The following ZSWIM4 variants were observed in gnomAD, a reference collection of about 807,000 sequenced individuals.
The protein encoded by ZSWIM4 is zinc finger SWIM domain-containing protein 4.
ZSWIM4 carries 62 observed loss-of-function variants against 102.5 expected under a neutral mutation model. That is an observed-to-expected ratio of 0.60 (90% CI 0.49 to 0.75). The LOEUF is 0.75. Ranked by LOEUF, ZSWIM4 falls within the 30% of genes least tolerant of loss-of-function variation. ZSWIM4 has a pLI of 0.00. For synonymous variants in ZSWIM4, 652 were observed against 674.5 expected (o/e 0.97, Z 0.52); for missense variants, 1,280 against 1,529.6 (o/e 0.84, Z 2.72).
At chr19:13,800,282 TTGAGACGGAGTCTCGC>T (rs1974731591) in intron 2 of ZSWIM4, among the ~76,000 whole-genome samples, 1 of 114,944 alleles carries the variant, frequency 8.7e-6, no homozygotes, top group Non-Finnish European at 1.7e-5. Flanking sequence ...TTTTTTTTTT[TTGAGACGGAGTCTCGC>T]TTTTTCGCCC....
At chr19:13,820,942 GTTTTCA>G (rs1395140815) in intron 10 of ZSWIM4, among the ~76,000 whole-genome samples, 3 of 152,074 alleles carry the variant, frequency 2.0e-5, no homozygotes, top group African/African-American at 7.2e-5. Flanking sequence ...GAATAACCTG[GTTTTCA>G]TTTATCACGT....
chr19:13,828,123 A>G (rs1436186788), intron 12 of ZSWIM4, among the ~76,000 whole-genome samples: 1 of 152,182 alleles, frequency 6.6e-6, no homozygotes, highest in African/African-American at 2.4e-5. Flanking sequence ...TCTCACAACA[A>G]TCAGGCTGGG....
chr19:13,816,109 A>G (rs1315424489), intron 7 of ZSWIM4, among the ~76,000 whole-genome samples: 6 of 151,642 alleles, frequency 4.0e-5, no homozygotes, highest in Non-Finnish European at 8.8e-5. Context: ...CACATTGTGT[A>G]CTAGATATGG....
chr19:13,825,407 A>G lies in ZSWIM4; in HGVS notation c.2216-143A>G, dbSNP rs535482797. The G allele has an allele frequency of 3.6e-5, 37 of 1,015,330 alleles. No homozygotes were observed. Among genetic ancestry groups the G allele is most frequent in the Non-Finnish European group, 4.9e-5 (34 of 695,030 alleles). The allele number at this position is 1,015,330 out of a possible 1,614,324, so 62.9% of individuals were successfully genotyped here. A position where few individuals can be genotyped will look rare whatever the true frequency, so the allele number is the denominator to read the frequency against. On this transcript the variant is annotated intron_variant, in intron 11 of 13. Transcript: ENST00000590508. This position sits in a 1 kb window ranked among gnomAD's most constrained non-coding sequence, Gnocchi z 4.6. ...TAGGGGCACTGAGGTCTGAATCTTC[A>G]CAGAACCATGGCCCAGTACACATCC... is the stretch of plus-strand genomic sequence containing the variant.
At position 13,819,266 on chromosome 19, in the gene ZSWIM4, A is replaced by C. The variant is rs955080004; in HGVS notation, c.1925-91A>C. On this transcript the variant is annotated intron_variant, in intron 9 of 13. Coordinates refer to ENST00000590508, the MANE Select transcript of ZSWIM4 (RefSeq NM_001367834.3). ...AGCCACTCTACCCAGGGGCCAGCCC[A>C]CCCTCTACTTAAAGCCTGGGGTCTA... 12 of 1,545,964 alleles carry C rather than the reference A, an allele frequency of 7.8e-6. No homozygotes were observed. The African/African-American group carries it at 1.5e-4, about 19-fold the overall frequency.
chr19:13,825,845 C>G lies in ZSWIM4; in HGVS notation c.2379+132C>G. On this transcript the variant is annotated intron_variant, in intron 12 of 13. Coordinates refer to ENST00000590508, the MANE Select transcript of ZSWIM4 (RefSeq NM_001367834.3). This position sits in a 1 kb window ranked among gnomAD's most constrained non-coding sequence, Gnocchi z 4.6. The stretch of plus-strand genomic sequence containing the variant: ...GGGCCCGGCATTTGCGTGAGCTATT[C>G]CTCTGTGGCTGGGGACTGAGCGAGA... 1 of 1,247,120 alleles carries G rather than the reference C, an allele frequency of 8.0e-7. No individual in the cohort carries two copies. The highest frequency in any genetic ancestry group is 2.6e-5 in the East Asian group (1 of 39,084). 77.3% of individuals were successfully genotyped at this position (1,247,120 alleles called of 1,614,324 possible).
intron 1 of ZSWIM4, 47 bp downstream of exon 1, chr19:13,795,848 C>T: frequency 4.3e-6 from 5 of 1,159,654 alleles, no homozygotes; most frequent in South Asian, 4.3e-5. Context: ...CCCCCAGCAC[C>T]TTCCCCACCT....
rs566779596 is a variant in ZSWIM4, at chr19:13,828,423, A to C, written c.2380-222A>C. ...ATTCCATCTCAAAAAAAAACAAAAC[A>C]AAACAACAACAAAAAAGAAAAAACA... On this transcript the variant is annotated intron_variant, in intron 12 of 13. Transcript: ENST00000590508. 9.2e-5 allele frequency among the ~76,000 whole-genome samples: 14 copies of C among 152,234 alleles called. No homozygotes were observed. The East Asian group carries it at 2.7e-3, about 29-fold the overall frequency.
chr19:13,818,425 T>C (rs1341273230), intron 9 of ZSWIM4, among the ~76,000 whole-genome samples: 4 of 152,152 alleles, frequency 2.6e-5, no homozygotes, highest in African/African-American at 9.7e-5. Context: ...CCCCCTACGC[T>C]ATCGGACTTG....
Position 13,823,402 on chromosome 19 carries a change from A to C in ZSWIM4, c.2117A>C (p.Asp706Ala), listed in dbSNP as rs776952137. Reference protein sequence around the residue: ...PAGEPHPSPLDSIMSNRFPRW... With the variant: ...PAGEPHPSPLASIMSNRFPRW... ...GGAGAACCTCATCCCAGCCCGCTGG[A>C]CTCCATCATGAGCAACCGCTTCCCC... The change falls in exon 11 of 14, where the codon GAC becomes GCC. Residue 706 changes from aspartate (D) to alanine (A), a missense_variant. Physicochemically the swap from Asp to Ala is moderately radical, Grantham distance 126. Transcript: ENST00000590508. 2.5e-6 allele frequency: 4 copies of C among 1,613,374 alleles called. No homozygotes were observed. The East Asian group carries it at 6.7e-5, about 27-fold the overall frequency.
intron 1 of ZSWIM4, among the ~76,000 whole-genome samples, chr19:13,798,133 CT>C (rs1476166132): frequency 2.0e-5 from 3 of 152,082 alleles, no homozygotes; most frequent in Non-Finnish European, 4.4e-5. Flanking sequence ...CTTTTCTTTT[CT>C]TTTTTCTTTT....
chr19:13,814,771 C>T lies in ZSWIM4; in HGVS notation c.1437C>T (p.Tyr479=). The change falls in exon 7 of 14, where the codon TAC becomes TAT. Residue 479 remains tyrosine (Y), a synonymous_variant. Coordinates refer to ENST00000590508, the MANE Select transcript of ZSWIM4 (RefSeq NM_001367834.3). ...ARVDTLRAHG[Y]PRQALRLASA... Reference sequence around the variant, plus strand: ...TGGACACCCTGCGTGCCCACGGATACCCCCGCCAGGCCCTGCGGCTGGCAA... The same window carrying T: ...TGGACACCCTGCGTGCCCACGGATATCCCCGCCAGGCCCTGCGGCTGGCAA... 2 of 1,286,814 alleles carry T rather than the reference C, an allele frequency of 1.6e-6. No homozygotes were observed. The highest frequency in any genetic ancestry group is 2.0e-6 in the Non-Finnish European group (2 of 986,582). The allele number at this position is 1,286,814 out of a possible 1,614,324, so 79.7% of individuals were successfully genotyped here. A position where few individuals can be genotyped will look rare whatever the true frequency, so the allele number is the denominator to read the frequency against.
chr19:13,818,145 GCCAGCT>G (rs1462675603), intron 9 of ZSWIM4, among the ~76,000 whole-genome samples, 169 bp downstream of exon 9: 5 of 151,780 alleles, frequency 3.3e-5, no homozygotes, highest in Non-Finnish European at 5.9e-5. Flanking sequence ...AAAGGAGAGA[GCCAGCT>G]CTTTTTCCCG....
At chr19:13,808,179 G>T (rs1974969625) in intron 3 of ZSWIM4, among the ~76,000 whole-genome samples, 1 of 152,066 alleles carries the variant, frequency 6.6e-6, no homozygotes, top group African/African-American at 2.4e-5. Context: ...CTCCCTCCAT[G>T]CCCCACTTCC....
Position 13,808,985 on chromosome 19 carries a change from G to T in ZSWIM4, c.861+1G>T. 1.2e-6 allele frequency: 2 copies of T among 1,611,030 alleles called. No individual in the cohort carries two copies. The highest frequency in any genetic ancestry group is 1.7e-6 in the Non-Finnish European group (2 of 1,178,440). ...GCAGCTGCGCTCCATGTTCAGCAAG[G>T]TGCCGTGCGGGCCGGCGGGGCGCGG... is the stretch of plus-strand genomic sequence containing the variant. On this transcript the variant is annotated splice_donor_variant, in intron 4 of 13. Coordinates refer to ENST00000590508, the MANE Select transcript of ZSWIM4 (RefSeq NM_001367834.3). LOFTEE classifies it high-confidence loss of function.
Position 13,814,594 on chromosome 19 carries a change from A to G in ZSWIM4, c.1260A>G (p.Leu420=), listed in dbSNP as rs781350735. ...VFGRALLAGE[L]HWNDAYLQRI... is the part of the protein sequence containing the mutation. The stretch of plus-strand genomic sequence containing the variant: ...GCCGCGCCTTGCTGGCTGGAGAGCT[A>G]CACTGGAATGACGCCTACCTGCAGA... Residue 420 remains leucine, a synonymous_variant, in exon 7 of 14, where the codon CTA becomes CTG. Transcript: ENST00000590508. 17 of 1,221,146 alleles carry G rather than the reference A, an allele frequency of 1.4e-5. No homozygotes were observed. The East Asian group carries it at 1.9e-4, about 14-fold the overall frequency. The allele number at this position is 1,221,146 out of a possible 1,614,324, so 75.6% of individuals were successfully genotyped here. A position where few individuals can be genotyped will look rare whatever the true frequency, so the allele number is the denominator to read the frequency against.
chr19:13,798,358 C>A (rs562032457), intron 1 of ZSWIM4, among the ~76,000 whole-genome samples: 1 of 152,174 alleles, frequency 6.6e-6, no homozygotes, highest in African/African-American at 2.4e-5. Context: ...ATGTTGCTCA[C>A]GCTGGTCTGG....
chr19:13,814,914 T>C (rs1422309454), intron 7 of ZSWIM4, 49 bp downstream of exon 7: 2 of 1,125,544 alleles, frequency 1.8e-6, no homozygotes, highest in Middle Eastern at 2.7e-4. Context: ...CCCAGCACAT[T>C]GGGAGTCCGA....
Position 13,825,742 on chromosome 19 carries a change from G to A in ZSWIM4, c.2379+29G>A. On this transcript the variant is annotated intron_variant, in intron 12 of 13. Transcript: ENST00000590508. This position sits in a 1 kb window ranked among gnomAD's most constrained non-coding sequence, Gnocchi z 4.6. ...AGGGCTGCCAGGTGGATGCGGGAGG[G>A]CGATGGTGGCTCGGGGCCAGGACTG... 2 of 1,593,148 alleles carry A rather than the reference G, an allele frequency of 1.3e-6. No individual in the cohort carries two copies. The highest frequency in any genetic ancestry group is 1.7e-6 in the Non-Finnish European group (2 of 1,173,538).
Sources: allele counts gnomAD v4.1 joint callset (sites outside exome capture counted in the v4.1 genomes callset), GRCh38; gene constraint gnomAD v4.1.1; non-coding constraint Gnocchi (gnomAD v3.1); transcripts MANE v1.5; gene names NCBI Gene and HGNC (gene_info 2026-07-23, HGNC 2026-07-21).